The following COBL variants were observed in gnomAD, a reference collection of about 807,000 sequenced individuals.
The protein encoded by COBL is protein cordon-bleu.
Under a neutral mutation model 98.8 loss-of-function variants are expected in COBL, and 51 were observed. That is an observed-to-expected ratio of 0.52 (90% CI 0.41 to 0.65). The LOEUF is 0.65. Ranked by LOEUF, COBL falls within the 30% of genes least tolerant of loss-of-function variation. The pLI is 0.00. For synonymous variants in COBL, 634 were observed against 651.7 expected, an observed-to-expected ratio of 0.97 and a Z score of 0.41; for missense variants, 1,617 against 1,617.5, an observed-to-expected ratio of 1.00 and a Z score of 0.01.
chr7:51,214,102 C>G (rs1269664563), intron 2 of COBL, among the ~76,000 whole-genome samples: 3 of 151,926 alleles, frequency 2.0e-5, no homozygotes, highest in Non-Finnish European at 4.4e-5. Context: ...CCCGTCTCTA[C>G]TAAAAATGCA....
At chr7:51,229,919 A>G (rs946924668) in intron 1 of COBL, among the ~76,000 whole-genome samples, 1 of 152,168 alleles carries the variant, frequency 6.6e-6, no homozygotes, top group Non-Finnish European at 1.5e-5. Flanking sequence ...GGTCCCAGCA[A>G]GGGCACAGTA....
At position 51,249,873 on chromosome 7, in the gene COBL, G is replaced by A. The variant is rs573140009; in HGVS notation, c.42-29929C>T. Among the ~76,000 whole-genome samples, 13 of 152,218 alleles carry A rather than the reference G, an allele frequency of 8.5e-5. No individual in the cohort carries two copies. The South Asian group carries it at 1.9e-3, about 22-fold the overall frequency. On this transcript the variant is annotated intron_variant, in intron 1 of 12. Transcript: ENST00000265136. ...TCCCAGCACTTTGAGAGGTTGAGGC[G>A]GGCAGATCATTTGAGGCCAGGAGTT...
At chr7:51,204,563 T>C (rs948075534) in intron 2 of COBL, among the ~76,000 whole-genome samples, 2 of 151,510 alleles carry the variant, frequency 1.3e-5, no homozygotes, top group African/African-American at 4.9e-5. Flanking sequence ...GCTTTTTTTT[T>C]TTTTTTTAAG....
intron 8 of COBL, among the ~76,000 whole-genome samples, chr7:51,038,072 G>A (rs948274810): frequency 6.6e-5 from 10 of 152,160 alleles, no homozygotes; most frequent in Non-Finnish European, 1.0e-4. Flanking sequence ...GGCTGGTCTT[G>A]AACTCCTGAC....
At chr7:51,018,923 T>C (rs1404705641) in intron 12 of COBL, among the ~76,000 whole-genome samples, 1 of 34,716 alleles carries the variant, frequency 2.9e-5, no homozygotes, top group African/African-American at 9.7e-5. Context: ...TATATATATA[T>C]ATATATATAT....
intron 6 of COBL, among the ~76,000 whole-genome samples, chr7:51,117,398 T>C (rs1442721002): frequency 6.6e-6 from 1 of 151,936 alleles, no homozygotes; most frequent in Non-Finnish European, 1.5e-5. Flanking sequence ...TTTCCAAAAT[T>C]TTTCTCTTCT....
chr7:51,177,002 T>C (rs1234849775), intron 5 of COBL, among the ~76,000 whole-genome samples: 2 of 152,238 alleles, frequency 1.3e-5, no homozygotes, highest in African/African-American at 4.8e-5. Flanking sequence ...TAGAAATATT[T>C]TCAGAATTTA....
intron 8 of COBL, among the ~76,000 whole-genome samples, chr7:51,042,180 G>A (rs1430022582): frequency 1.3e-5 from 2 of 152,072 alleles, no homozygotes; most frequent in African/African-American, 4.8e-5. Flanking sequence ...AATAGGCAAA[G>A]ATTATATACA....
intron 1 of COBL, among the ~76,000 whole-genome samples, chr7:51,310,558 T>G (rs1464318107): frequency 1.3e-5 from 2 of 152,198 alleles, no homozygotes; most frequent in Non-Finnish European, 2.9e-5. Context: ...ATTCAGGTTC[T>G]TGGGCAGTGA....
At chr7:51,275,409 G>A (rs1161583749) in intron 1 of COBL, among the ~76,000 whole-genome samples, 3 of 152,266 alleles carry the variant, frequency 2.0e-5, no homozygotes, top group Non-Finnish European at 2.9e-5. Context: ...TTTTTACAAC[G>A]AGGATTTGTT....
At chr7:51,275,512 G>C (rs1799218705) in intron 1 of COBL, among the ~76,000 whole-genome samples, 1 of 152,112 alleles carries the variant, frequency 6.6e-6, no homozygotes, top group Non-Finnish European at 1.5e-5. Flanking sequence ...GGTCACCGCA[G>C]CCCATGCAGA....
chr7:51,246,250 G>A (rs1796260508), intron 1 of COBL, among the ~76,000 whole-genome samples: 1 of 152,048 alleles, frequency 6.6e-6, no homozygotes, highest in African/African-American at 2.4e-5. Flanking sequence ...GTATAATTTG[G>A]ACCAGGGAGA....
chr7:51,155,609 A>AG (rs1786048052), intron 5 of COBL, among the ~76,000 whole-genome samples: 1 of 150,076 alleles, frequency 6.7e-6, no homozygotes, highest in African/African-American at 2.4e-5. Flanking sequence ...AAAAAAAAAA[A>AG]AAAAAAAAAG....
rs561256876 is a variant in COBL, at chr7:51,084,804, T to A, written c.1096+362A>T. On this transcript the variant is annotated intron_variant, in intron 7 of 12. Transcript: ENST00000265136. ...CCTAAGATCTCTTTGAAATGCCAAA[T>A]GTCCTTCAAAGCAGTTTCCACGATG... Among the ~76,000 whole-genome samples the A allele has an allele frequency of 3.3e-5, 5 of 152,262 alleles. No homozygotes were observed. In the East Asian group the frequency reaches 9.7e-4, roughly 30 times the overall value.
At chr7:51,118,754 G>A (rs1797502847) in intron 6 of COBL, among the ~76,000 whole-genome samples, 1 of 152,172 alleles carries the variant, frequency 6.6e-6, no homozygotes, top group Admixed American at 6.5e-5. Context: ...TAGTGTTGGT[G>A]GAGTCTGGGA....
Position 51,028,812 on chromosome 7 carries a change from G to A in COBL, c.2284C>T (p.Gln762Ter). ...LSSSVPEAES[Q>*]PIGKVREFWR... Reference sequence around the variant, plus strand: ...AACTCTCTGACTTTCCCAATGGGCTGAGATTCTGCTTCAGGCACAGACGAA... The same window carrying A: ...AACTCTCTGACTTTCCCAATGGGCTAAGATTCTGCTTCAGGCACAGACGAA... The change falls in exon 10 of 13, where the codon CAG becomes TAG. Residue 762 changes from glutamine to a stop codon, truncating the protein, a stop_gained. Transcript: ENST00000265136. LOFTEE classifies it high-confidence loss of function. The A allele has an allele frequency of 1.9e-6, 3 of 1,614,244 alleles. No individual in the cohort carries two copies. In the Admixed American group the frequency reaches 5.0e-5, roughly 27 times the overall value.
chr7:51,112,885 A>G (rs1315386084), intron 6 of COBL, among the ~76,000 whole-genome samples: 2 of 152,214 alleles, frequency 1.3e-5, no homozygotes, highest in Non-Finnish European at 1.5e-5. Flanking sequence ...TTCTTAGACA[A>G]GCATACTCAA....
chr7:51,069,440 C>T (rs965122271), intron 7 of COBL, among the ~76,000 whole-genome samples: 2 of 152,228 alleles, frequency 1.3e-5, no homozygotes, highest in Non-Finnish European at 2.9e-5. Flanking sequence ...TGGGTGTTAG[C>T]TGTGGGATTG....
At chr7:51,020,640 G>A (rs1378110052) in intron 12 of COBL, among the ~76,000 whole-genome samples, 1 of 152,174 alleles carries the variant, frequency 6.6e-6, no homozygotes, top group Admixed American at 6.6e-5. Context: ...AGGGCTGAGT[G>A]GAAGCAAGCA....
Sources: gnomAD v4.1 joint callset for allele counts (sites outside exome capture counted in the v4.1 genomes callset) on GRCh38, gnomAD v4.1.1 for gene constraint, MANE v1.5 for transcripts, NCBI Gene and HGNC (gene_info 2026-07-23, HGNC 2026-07-21) for gene names.